The following NKAIN2 variants were observed in gnomAD, a reference collection of about 807,000 sequenced individuals.
NKAIN2 encodes the protein sodium/potassium transporting ATPase interacting 2.
NKAIN2 carries 14 observed loss-of-function variants against 32.6 expected under a neutral mutation model. The ratio of observed to expected loss-of-function variants is 0.43; its 90% CI spans 0.28 to 0.67. The LOEUF (loss-of-function observed/expected upper bound fraction) is 0.67. Ranked by LOEUF, NKAIN2 falls within the 30% of genes least tolerant of loss-of-function variation. The pLI is 0.17. For synonymous variants in NKAIN2, 80 were observed against 87.2 expected (o/e 0.92, Z 0.46); for missense variants, 198 against 258.3 (o/e 0.77, Z 1.60).
At chr6:124,235,905 A>AT (rs898619864) in intron 1 of NKAIN2, among the ~76,000 whole-genome samples, 24 of 149,504 alleles carry the variant, frequency 1.6e-4, no homozygotes, top group East Asian at 5.9e-4. Flanking sequence ...CCTAGTTTTT[A>AT]TTTTTTTTTC....
intron 5 of NKAIN2, among the ~76,000 whole-genome samples, chr6:124,792,732 G>A (rs2114810786): frequency 6.6e-6 from 1 of 152,164 alleles, no homozygotes; most frequent in South Asian, 2.1e-4. Flanking sequence ...GAAGTGAGGG[G>A]TGGTCCCAGG....
chr6:124,144,096 A>T (rs917548231), intron 1 of NKAIN2, among the ~76,000 whole-genome samples: 2 of 152,244 alleles, frequency 1.3e-5, no homozygotes, highest in African/African-American at 2.4e-5. Flanking sequence ...AAAGATGTTA[A>T]TTATCCACAG....
chr6:124,541,211 G>T (rs2114844666), intron 3 of NKAIN2, among the ~76,000 whole-genome samples: 1 of 152,142 alleles, frequency 6.6e-6, no homozygotes, highest in Non-Finnish European at 1.5e-5. Context: ...ACTTTTTACT[G>T]ATTCATTAAA....
At chr6:124,053,551 C>G (rs1782506382) in intron 1 of NKAIN2, among the ~76,000 whole-genome samples, 1 of 151,940 alleles carries the variant, frequency 6.6e-6, no homozygotes, top group Non-Finnish European at 1.5e-5. Flanking sequence ...ATTCTGGCAG[C>G]CCCCAAGGAG....
At chr6:124,204,742 T>A (rs1289219656) in intron 1 of NKAIN2, among the ~76,000 whole-genome samples, 4 of 151,842 alleles carry the variant, frequency 2.6e-5, no homozygotes, top group African/African-American at 9.6e-5. Context: ...AAATGACATT[T>A]CTCTTGGACA....
chr6:124,702,232 T>A (rs1774827769), intron 4 of NKAIN2, among the ~76,000 whole-genome samples: 1 of 152,254 alleles, frequency 6.6e-6, no homozygotes, highest in African/African-American at 2.4e-5. Context: ...ATATTCATTT[T>A]TTTGTGTGGA....
intron 3 of NKAIN2, among the ~76,000 whole-genome samples, chr6:124,363,452 G>T (rs1799383198): frequency 6.6e-6 from 1 of 152,172 alleles, no homozygotes; most frequent in African/African-American, 2.4e-5. Context: ...AATCAGCATA[G>T]CTTTGAGGGA....
chr6:123,881,788 C>T (rs1773467805), intron 1 of NKAIN2, among the ~76,000 whole-genome samples: 1 of 152,170 alleles, frequency 6.6e-6, no homozygotes, highest in South Asian at 2.1e-4. Flanking sequence ...CTGTAAAGCA[C>T]TATCATGACT....
intron 2 of NKAIN2, among the ~76,000 whole-genome samples, chr6:124,314,680 A>G (rs1403778999): frequency 6.6e-6 from 1 of 152,140 alleles, no homozygotes; most frequent in Non-Finnish European, 1.5e-5. Flanking sequence ...TGTCCCCTGA[A>G]AAGGGTTCAG....
intron 1 of NKAIN2, among the ~76,000 whole-genome samples, chr6:124,076,882 G>C (rs912032726): frequency 6.6e-6 from 1 of 152,076 alleles, no homozygotes; most frequent in African/African-American, 2.4e-5. Context: ...CTCATGCCTG[G>C]TTTTCTCCAT....
chr6:124,796,444 TACAC>T (rs982140184), intron 5 of NKAIN2, among the ~76,000 whole-genome samples: 1 of 152,094 alleles, frequency 6.6e-6, no homozygotes, highest in African/African-American at 2.4e-5. Context: ...CACATCCAAA[TACAC>T]ACACACGCAC....
chr6:124,454,495 T>C (rs1295508004), intron 3 of NKAIN2, among the ~76,000 whole-genome samples: 1 of 152,054 alleles, frequency 6.6e-6, no homozygotes, highest in Non-Finnish European at 1.5e-5. Context: ...TTGTTATTGC[T>C]TGAGGTGAAT....
chr6:124,770,395 A>C (rs562712001), intron 4 of NKAIN2, among the ~76,000 whole-genome samples: 1 of 152,180 alleles, frequency 6.6e-6, no homozygotes, highest in South Asian at 2.1e-4. Context: ...GTAAAACTTC[A>C]CTAATCTCTT....
intron 1 of NKAIN2, among the ~76,000 whole-genome samples, chr6:124,273,098 AG>A (rs1794871715): frequency 6.6e-6 from 1 of 152,204 alleles, no homozygotes; most frequent in Non-Finnish European, 1.5e-5. Context: ...GAATGAGTTA[AG>A]ACTTTGGGGC....
At chr6:124,185,202 A>G (rs969982351) in intron 1 of NKAIN2, among the ~76,000 whole-genome samples, 2 of 152,112 alleles carry the variant, frequency 1.3e-5, no homozygotes, top group African/African-American at 4.8e-5. Flanking sequence ...ATATTATGAA[A>G]CTTTCAGATA....
chr6:124,371,820 A>G (rs890199193), intron 3 of NKAIN2, among the ~76,000 whole-genome samples: 1 of 152,062 alleles, frequency 6.6e-6, no homozygotes, highest in Non-Finnish European at 1.5e-5. Flanking sequence ...TATGAGGGTT[A>G]CAACATTTTC....
chr6:123,972,606 A>T (rs1778392899), intron 1 of NKAIN2, among the ~76,000 whole-genome samples: 2 of 152,166 alleles, frequency 1.3e-5, no homozygotes, highest in Non-Finnish European at 2.9e-5. Context: ...AAGCTCTATA[A>T]AAGATAAGAG....
chr6:124,736,419 A>T (rs367866398), intron 4 of NKAIN2, among the ~76,000 whole-genome samples: 1 of 151,928 alleles, frequency 6.6e-6, no homozygotes, highest in African/African-American at 2.4e-5. Flanking sequence ...GGCTACCCTA[A>T]ACAACAGATT....
chr6:124,709,582 T>C (rs927996198), intron 4 of NKAIN2, among the ~76,000 whole-genome samples: 6 of 149,924 alleles, frequency 4.0e-5, no homozygotes, highest in Admixed American at 6.6e-5. Context: ...GTGTATGTGT[T>C]GAGGAATTTA....
Sources: gnomAD v4.1 joint callset for allele counts (sites outside exome capture counted in the v4.1 genomes callset) on GRCh38, gnomAD v4.1.1 for gene constraint, MANE v1.5 for transcripts, NCBI Gene and HGNC (gene_info 2026-07-23, HGNC 2026-07-21) for gene names.